TANK: variants seen among roughly 807,000 people sequenced by gnomAD.
TANK encodes the protein TRAF family member associated NFKB activator, also known as TRAF family member-associated NF-kappa-B activator.
In TANK, 15 loss-of-function variants were observed where a neutral mutation model predicts 43.6. The observed-to-expected ratio is 0.34, with a 90% confidence interval of 0.23 to 0.53. TANK has a LOEUF of 0.53. Ranked by LOEUF, TANK falls within the 20% of genes least tolerant of loss-of-function variation. The pLI is 0.94. For missense variants in TANK, 417 were observed against 498.6 expected (o/e 0.84, Z 1.56); for synonymous variants, 162 against 178.2 (o/e 0.91, Z 0.73).
chr2:161,234,365 T>G (rs1688069395), intron 7 of TANK, among the ~76,000 whole-genome samples: 1 of 152,222 alleles, frequency 6.6e-6, no homozygotes, highest in Non-Finnish European at 1.5e-5. Context: ...CTTCTTAAAA[T>G]ATCAGAATTT....
chr2:161,154,107 T>A (rs1684155381), intron 1 of TANK, among the ~76,000 whole-genome samples: 1 of 152,136 alleles, frequency 6.6e-6, no homozygotes, highest in Non-Finnish European at 1.5e-5. Context: ...GCATAATGCA[T>A]GTCATAAAGA....
At chr2:161,147,124 T>C (rs1356286358) in intron 1 of TANK, among the ~76,000 whole-genome samples, 1 of 151,938 alleles carries the variant, frequency 6.6e-6, no homozygotes, top group Non-Finnish European at 1.5e-5. Flanking sequence ...GCTGGTGTGT[T>C]GGGGTGGGGG....
At chr2:161,233,618 A>G (rs1260799013) in intron 7 of TANK, among the ~76,000 whole-genome samples, 1 of 152,090 alleles carries the variant, frequency 6.6e-6, no homozygotes, top group African/African-American at 2.4e-5. Context: ...TGAGTCAGTG[A>G]GTGGGATCCC....
At chr2:161,160,983 G>A in intron 1 of TANK, 1 of 452,364 alleles carries the variant, frequency 2.2e-6, no homozygotes, top group Non-Finnish European at 4.2e-6. Flanking sequence ...TTCCTGTGGG[G>A]TGTCATCATA....
At chr2:161,178,553 G>T (rs1402628973) in intron 1 of TANK, among the ~76,000 whole-genome samples, 1 of 151,982 alleles carries the variant, frequency 6.6e-6, no homozygotes, top group Non-Finnish European at 1.5e-5. Flanking sequence ...TTTAGGGAGG[G>T]TGATTAAAAT....
In TANK at chr2:161,224,005, C is replaced by T; in HGVS notation, c.404+14C>T. 6.5e-7 allele frequency: 1 copy of T among 1,534,686 alleles called. No individual in the cohort carries two copies. The highest frequency in any genetic ancestry group is 8.9e-7 in the Non-Finnish European group (1 of 1,126,496). The stretch of plus-strand genomic sequence containing the variant: ...GCTCCATGAAAGGTAGTTCTACATC[C>T]TTTTTTCTCAACTCTTAAAAATTAT... On this transcript the variant is annotated intron_variant, in intron 5 of 7. Transcript: ENST00000392749.
At chr2:161,202,378 A>G (rs1336137013) in intron 2 of TANK, among the ~76,000 whole-genome samples, 1 of 151,548 alleles carries the variant, frequency 6.6e-6, no homozygotes, top group African/African-American at 2.4e-5. Flanking sequence ...TTTAGTGGAG[A>G]TGGGGTTTCA....
intron 1 of TANK, among the ~76,000 whole-genome samples, chr2:161,145,123 G>C (rs992450872): frequency 1.3e-4 from 18 of 139,078 alleles, no homozygotes; most frequent in Non-Finnish European, 2.4e-4. Flanking sequence ...GACTAGGACT[G>C]CAACCCCTGC....
intron 1 of TANK, chr2:161,161,104 G>A (rs1192937556): frequency 2.0e-5 from 22 of 1,081,548 alleles, no homozygotes; most frequent in Non-Finnish European, 2.4e-5. Flanking sequence ...CCAGGCGTTA[G>A]GTAGAGTCCT....
Position 161,160,449 on chromosome 2 carries a change from C to T in TANK, c.-87C>T. 1 of 1,239,016 alleles carries T rather than the reference C, an allele frequency of 8.1e-7. No individual in the cohort carries two copies. 76.8% of individuals were successfully genotyped at this position (1,239,016 alleles called of 1,614,324 possible). On this transcript the variant is annotated 5_prime_UTR_variant, in exon 1 of 8. Coordinates refer to ENST00000392749, the MANE Select transcript of TANK (RefSeq NM_001199135.3). ...AGTCACTCGGCCAGGCGCCGGCGAC[C>T]TGAGGGGAGAGGGAACGCAGCTGAA... is the stretch of plus-strand genomic sequence containing the variant.
rs1687885524 is a variant in TANK at position 161,231,012 on chromosome 2, G to C, written c.562G>C (p.Asp188His). Residue 188 changes from aspartate to histidine, a missense_variant, in exon 7 of 8, where the codon GAT (aspartate) becomes CAT (histidine). Transcript: ENST00000392749. ...GCCTATACAGTGTACGGATAAAACA[G>C]ATAAACAAGAAGCGCTGTTTAAGCC... ...SVPIQCTDKT[D>H]KQEALFKPQA... 1.2e-6 allele frequency: 2 copies of C among 1,613,980 alleles called. No individual in the cohort carries two copies. The highest frequency in any genetic ancestry group is 2.2e-5 in the South Asian group (2 of 91,084).
At chr2:161,212,672 A>T in intron 4 of TANK, 1 of 985,318 alleles carries the variant, frequency 1.0e-6, no homozygotes, top group South Asian at 4.7e-5. Flanking sequence ...TTCCCCTATC[A>T]TCCCTTTTCT....
Position 161,231,149 on chromosome 2 carries a change from T to C in TANK, c.699T>C (p.Asn233=). The C allele has an allele frequency of 6.2e-7, 1 of 1,614,054 alleles. No homozygotes were observed. The highest frequency in any genetic ancestry group is 1.3e-5 in the African/African-American group (1 of 75,048). ...CTTTTGAATCACTTTCTAAATTCAA[T>C]GTCAAGTTTCCACCTATGGACAATG... ...DTSFESLSKF[N]VKFPPMDNDS... The change falls in exon 7 of 8, where the codon AAT becomes AAC. Residue 233 remains asparagine (N), a synonymous_variant. Transcript: ENST00000392749.
intron 1 of TANK, 95 bp from the exon 2 acceptor site, chr2:161,179,519 T>C: frequency 9.2e-7 from 1 of 1,089,676 alleles, no homozygotes; most frequent in Non-Finnish European, 1.3e-6. Context: ...GTATAATGTT[T>C]GTGGTAAACC....
chr2:161,225,306 G>T (rs1474852030), intron 6 of TANK, among the ~76,000 whole-genome samples: 1 of 151,822 alleles, frequency 6.6e-6, no homozygotes, highest in Non-Finnish European at 1.5e-5. Flanking sequence ...AGGCCTGATG[G>T]TGCACTACAG....
At chr2:161,160,372 CCG>C, upstream of TANK, 4 of 1,198,758 alleles carry the variant, frequency 3.3e-6, no homozygotes, top group Non-Finnish European at 4.2e-6. Flanking sequence ...GTTAATGGCT[CCG>C]CGCGCAGGCA....
At chr2:161,188,526 G>A (rs1208321620) in intron 2 of TANK, among the ~76,000 whole-genome samples, 1 of 152,136 alleles carries the variant, frequency 6.6e-6, no homozygotes, top group Non-Finnish European at 1.5e-5. Flanking sequence ...GATTGAATCA[G>A]TAATCAAAAA....
intron 2 of TANK, among the ~76,000 whole-genome samples, chr2:161,196,707 T>C (rs1254747147): frequency 2.0e-5 from 3 of 152,022 alleles, no homozygotes; most frequent in Non-Finnish European, 2.9e-5. Context: ...ATATAAAAAT[T>C]AGCCAGGTGT....
At chr2:161,205,740 TAC>T (rs1686623101) in intron 4 of TANK, among the ~76,000 whole-genome samples, 1 of 152,174 alleles carries the variant, frequency 6.6e-6, no homozygotes, top group South Asian at 2.1e-4. Context: ...AGATGGAAAT[TAC>T]AAAATGATAA....
Sources: gnomAD v4.1 joint callset for allele counts (sites outside exome capture counted in the v4.1 genomes callset) on GRCh38, gnomAD v4.1.1 for gene constraint, MANE v1.5 for transcripts, NCBI Gene and HGNC (gene_info 2026-07-23, HGNC 2026-07-21) for gene names.